MYH11: variants seen among roughly 807,000 people sequenced by gnomAD.
The protein encoded by MYH11 is myosin heavy chain 11, also known as myosin-11.
In MYH11, 80 loss-of-function variants were observed where a neutral mutation model predicts 246.6. That is an observed-to-expected ratio of 0.32 (90% confidence interval 0.27 to 0.39). The LOEUF (loss-of-function observed/expected upper bound fraction) is 0.39. Among genes scored for constraint, MYH11 ranks in the 10% least tolerant of loss-of-function variants. The pLI, the probability that MYH11 is intolerant of heterozygous loss-of-function variation, is 1.00. For synonymous variants in MYH11, 1,071 were observed against 1,015.5 expected (o/e 1.05, Z -1.04); for missense variants, 2,158 against 2,546.8 (o/e 0.85, Z 3.29).
chr16:15,781,787 G>A (rs895131969), intron 6 of MYH11, among the ~76,000 whole-genome samples: 2 of 152,142 alleles, frequency 1.3e-5, no homozygotes, highest in African/African-American at 2.4e-5. Context: ...ACTATTCATC[G>A]CAATCCTGTG....
At chr16:15,744,909 G>A (rs752419162) in intron 20 of MYH11, among the ~76,000 whole-genome samples, 25 of 152,238 alleles carry the variant, frequency 1.6e-4, no homozygotes, top group African/African-American at 4.6e-4. Context: ...ATTCCAGTGC[G>A]GATGGAAATA....
chr16:15,848,511 G>GCT (rs2044255602), intron 1 of MYH11, among the ~76,000 whole-genome samples: 1 of 152,152 alleles, frequency 6.6e-6, no homozygotes, highest in African/African-American at 2.4e-5. Context: ...TGGGATTACA[G>GCT]GCGTGAGCCA....
At chr16:15,756,885 G>A (rs1294435794) in intron 13 of MYH11, among the ~76,000 whole-genome samples, 1 of 141,368 alleles carries the variant, frequency 7.1e-6, no homozygotes, top group South Asian at 2.2e-4. Flanking sequence ...TGCAAGCTCC[G>A]CTTCCTGGGT....
chr16:15,821,404 T>G (rs2043406646), intron 3 of MYH11, among the ~76,000 whole-genome samples: 1 of 152,238 alleles, frequency 6.6e-6, no homozygotes. Context: ...GATAGAATCA[T>G]AGGTGCCAGC....
chr16:15,723,493 A>G (rs1312906794), intron 31 of MYH11, among the ~76,000 whole-genome samples: 1 of 152,044 alleles, frequency 6.6e-6, no homozygotes, highest in Non-Finnish European at 1.5e-5. Flanking sequence ...CTAAAAATAC[A>G]AAAATTAGCC....
intron 40 of MYH11, among the ~76,000 whole-genome samples, chr16:15,709,902 G>C (rs1200449814): frequency 6.6e-6 from 1 of 152,158 alleles, no homozygotes; most frequent in South Asian, 2.1e-4. Flanking sequence ...AGTGTAGCCA[G>C]TGGTAGGTAA....
chr16:15,825,109 G>A (rs140094199), intron 2 of MYH11, among the ~76,000 whole-genome samples: 5 of 152,210 alleles, frequency 3.3e-5, no homozygotes, highest in East Asian at 1.9e-4. Context: ...GAAAAGTCAC[G>A]TACTCTATCA....
At chr16:15,775,839 T>C (rs2042209306) in intron 8 of MYH11, 3 of 586,182 alleles carry the variant, frequency 5.1e-6, no homozygotes, top group Non-Finnish European at 9.2e-6. Context: ...AATGATCTAA[T>C]GTCTAATTGG....
Position 15,747,454 on chromosome 16 carries a change from A to G in MYH11, c.2411+116T>C, listed in dbSNP as rs1197119636. 7 of 1,222,714 alleles carry G rather than the reference A, an allele frequency of 5.7e-6. No homozygotes were observed. In the African/African-American group the frequency reaches 7.4e-5, roughly 13 times the overall value. 75.7% of individuals were successfully genotyped at this position (1,222,714 alleles called of 1,614,324 possible). On this transcript the variant is annotated intron_variant, in intron 19 of 40. Coordinates refer to ENST00000300036, the MANE Select transcript of MYH11 (RefSeq NM_002474.3). Reference sequence around the variant, plus strand: ...TCTTCCCCTTCAAGAAAAGGCTGTCATTCAGTCAATGATGCATCTTAAACA... The same window carrying G: ...TCTTCCCCTTCAAGAAAAGGCTGTCGTTCAGTCAATGATGCATCTTAAACA...
At chr16:15,778,603 C>T (rs2042276682) in intron 7 of MYH11, among the ~76,000 whole-genome samples, 177 bp downstream of exon 7, 1 of 152,058 alleles carries the variant, frequency 6.6e-6, no homozygotes, top group South Asian at 2.1e-4. Context: ...ACCAGGGGTC[C>T]GGTCCACACA....
At chr16:15,755,976 T>C (rs2041703152) in intron 14 of MYH11, among the ~76,000 whole-genome samples, 1 of 152,144 alleles carries the variant, frequency 6.6e-6, no homozygotes, top group Non-Finnish European at 1.5e-5. Context: ...TGTACACCTG[T>C]AGTCCCAGCT....
chr16:15,835,774 G>C (rs1471643142), intron 2 of MYH11, among the ~76,000 whole-genome samples: 1 of 130,402 alleles, frequency 7.7e-6, no homozygotes, highest in African/African-American at 2.9e-5. Context: ...TTTTGAAACA[G>C]ACAAGGTCTT....
rs375413391 is a variant in MYH11, at chr16:15,728,369, AAAAC to A, written c.3652-1319_3652-1316del. Reference sequence around the variant, plus strand: ...CTCAGTAATCCTAAACTTAAAAACAAAAACAAAAAACCAACAACAACGAAAGATC... The same window carrying A: ...CTCAGTAATCCTAAACTTAAAAACAAAAAAAACCAACAACAACGAAAGATC... On this transcript the variant is annotated intron_variant, in intron 27 of 40. Coordinates refer to ENST00000300036, the MANE Select transcript of MYH11 (RefSeq NM_002474.3). 9.2e-5 allele frequency among the ~76,000 whole-genome samples: 14 copies of A among 151,932 alleles called. No homozygotes were observed. In the East Asian group the frequency reaches 2.1e-3, roughly 23 times the overall value.
intron 4 of MYH11, 49 bp downstream of exon 4, chr16:15,798,611 A>G: frequency 6.9e-7 from 1 of 1,440,088 alleles, no homozygotes; most frequent in Non-Finnish European, 9.4e-7. Context: ...TACAGATTAA[A>G]AAAAAAAAAA....
At chr16:15,806,916 C>G (rs1295015874) in intron 3 of MYH11, among the ~76,000 whole-genome samples, 3 of 152,014 alleles carry the variant, frequency 2.0e-5, no homozygotes, top group South Asian at 4.1e-4. Context: ...CAAACGAGTC[C>G]TGAGCCAGGT....
chr16:15,807,568 C>G (rs1479906299), intron 3 of MYH11, among the ~76,000 whole-genome samples: 2 of 151,986 alleles, frequency 1.3e-5, no homozygotes, highest in African/African-American at 2.4e-5. Context: ...GGGCCTGGGA[C>G]AGAAGCTCCA....
rs767885449 is a variant in MYH11 at position 15,724,214 on chromosome 16, T to C, written c.4312A>G (p.Asn1438Asp). Residue 1438 changes from asparagine to aspartate, a missense_variant, in exon 31 of 41, where the codon AAC becomes GAC. Physicochemically the swap from Asn to Asp is conservative, Grantham distance 23. Transcript: ENST00000300036. The part of the protein sequence containing the change: ...ELDDLVVDLD[N>D]QRQLVSNLEK... Reference sequence around the variant, plus strand: ...AGGTTGGACACGAGTTGCCGCTGGTTGTCCAAATCAACAACCAGGTCGTCC... The same window carrying C: ...AGGTTGGACACGAGTTGCCGCTGGTCGTCCAAATCAACAACCAGGTCGTCC... 6.2e-7 allele frequency: 1 copy of C among 1,614,038 alleles called. No individual in the cohort carries two copies. Among genetic ancestry groups the C allele is most frequent in the African/African-American group, 1.3e-5 (1 of 74,934 alleles).
chr16:15,786,716 C>T lies in MYH11; in HGVS notation c.547G>A (p.Gly183Arg). 1.9e-6 allele frequency: 3 copies of T among 1,613,968 alleles called. No homozygotes were observed. Among genetic ancestry groups the T allele is most frequent in the Non-Finnish European group, 2.5e-6 (3 of 1,179,980 alleles). ...SILCTGESGA[G>R]KTENTKKVIQ... ...ACCTTCTTGGTGTTTTCGGTTTTCC[C>T]GGCTCCAGACTCGCCTCTGAAAGAC... Residue 183 changes from glycine (G) to arginine (R), a missense_variant, in exon 5 of 41, where the codon GGG becomes AGG. Around this residue, in one of 11 missense-constraint regions of MYH11, gnomAD observed 123 missense variants for 207.1 expected, o/e 0.59. Coordinates refer to ENST00000300036, the MANE Select transcript of MYH11 (RefSeq NM_002474.3).
In MYH11 at chr16:15,714,923, G is replaced by T; in HGVS notation, c.5772C>A (p.Leu1924=). 2 of 1,613,980 alleles carry T rather than the reference G, an allele frequency of 1.2e-6. No individual in the cohort carries two copies. The part of the protein sequence containing the change: ...NEAMGREVNA[L]KSKLRRGNET... Reference sequence around the variant, plus strand: ...GGGCTCCTCACCTGAGCTTGCTCTTGAGTGCGTTCACCTCGCGGCCCATGG... The same window carrying T: ...GGGCTCCTCACCTGAGCTTGCTCTTTAGTGCGTTCACCTCGCGGCCCATGG... Residue 1924 remains leucine, a synonymous_variant, in exon 40 of 41, where the codon CTC becomes CTA. Transcript: ENST00000300036.
Sources: gnomAD v4.1 joint callset for allele counts (sites outside exome capture counted in the v4.1 genomes callset) on GRCh38, gnomAD v4.1.1 for gene constraint, gnomAD v4.1.1 regional missense constraint, MANE v1.5 for transcripts, NCBI Gene and HGNC (gene_info 2026-07-23, HGNC 2026-07-21) for gene names.